The following ZNF791 variants were observed in gnomAD, a reference collection of about 807,000 sequenced individuals.
ZNF791 encodes zinc finger protein 791.
Under a neutral mutation model 11.5 loss-of-function variants are expected in ZNF791, and 4 were observed. That is an observed-to-expected ratio of 0.35 (90% confidence interval 0.17 to 0.80). The LOEUF (loss-of-function observed/expected upper bound fraction) is 0.80. Ranked by LOEUF, ZNF791 falls within the 30% of genes least tolerant of loss-of-function variation. The probability of loss-of-function intolerance (pLI) is 0.53; values close to 1 mark genes in which losing one functional copy is unlikely to be tolerated. For missense variants in ZNF791, 559 were observed against 699.4 expected (o/e 0.80, Z 2.26); for synonymous variants, 212 against 228.1 (o/e 0.93, Z 0.64).
intron 1 of ZNF791, among the ~76,000 whole-genome samples, chr19:12,622,299 C>G (rs181042243): frequency 9.1e-5 from 13 of 143,068 alleles, no homozygotes; most frequent in Admixed American, 2.1e-4. Context: ...CACTATTGTC[C>G]CATGACCCTG....
chr19:12,627,771 C>T lies in ZNF791; in HGVS notation c.242C>T (p.Ala81Val). ...GAAGGTAAAGAAGGTAGTCAATGTG[C>T]AGAAAACTTCAGTCCCAATCTCAGT... ...LCEGKEGSQCAENFSPNLSVT... is the reference protein window; with the variant it reads ...LCEGKEGSQCVENFSPNLSVT... Residue 81 changes from alanine to valine, a missense_variant, in exon 4 of 4, where the codon GCA becomes GTA. Physicochemically the swap from Ala to Val is moderately conservative, Grantham distance 64. Transcript: ENST00000343325. 2.5e-6 allele frequency: 4 copies of T among 1,614,098 alleles called. No homozygotes were observed. The highest frequency in any genetic ancestry group is 1.3e-5 in the African/African-American group (1 of 75,060).
chr19:12,622,633 GCCTGTAATCCCAGCA>G (rs1317506685), intron 1 of ZNF791, among the ~76,000 whole-genome samples: 1 of 151,540 alleles, frequency 6.6e-6, no homozygotes, highest in Non-Finnish European at 1.5e-5. Flanking sequence ...AGTGGCTCAC[GCCTGTAATCCCAGCA>G]CTTTGGGTGG....
At chr19:12,616,317 G>C (rs777314845) in intron 1 of ZNF791, among the ~76,000 whole-genome samples, 1 of 152,156 alleles carries the variant, frequency 6.6e-6, no homozygotes, top group Non-Finnish European at 1.5e-5. Flanking sequence ...TTGGAGGCAG[G>C]CATGGTGGTA....
chr19:12,617,873 T>C (rs1315003964), intron 1 of ZNF791, among the ~76,000 whole-genome samples: 1 of 144,522 alleles, frequency 6.9e-6, no homozygotes, highest in African/African-American at 2.6e-5. Flanking sequence ...TCTGAGTAGC[T>C]GGAACTACAG....
intron 1 of ZNF791, among the ~76,000 whole-genome samples, chr19:12,619,899 C>A (rs1460750717): frequency 1.3e-5 from 2 of 148,516 alleles, no homozygotes; most frequent in East Asian, 2.0e-4. Flanking sequence ...TATATGAAAT[C>A]TTTATTTATT....
Position 12,623,816 on chromosome 19 carries a change from G to A in ZNF791, c.120G>A (p.Leu40=). The part of the protein sequence containing the change: ...RDVMQETFKN[L]ASIGEKWEDP... ...TGATGCAGGAAACATTCAAGAACCTGGCATCTATAGGTAAGGATGACATCA... is the reference window on the plus strand; with the variant it reads ...TGATGCAGGAAACATTCAAGAACCTAGCATCTATAGGTAAGGATGACATCA... Residue 40 remains leucine (L), a synonymous_variant, in exon 2 of 4, where the codon CTG becomes CTA. Transcript: ENST00000343325. 1 of 1,524,104 alleles carries A rather than the reference G, an allele frequency of 6.6e-7. No homozygotes were observed. The highest frequency in any genetic ancestry group is 2.3e-5 in the East Asian group (1 of 43,990). The allele number at this position is 1,524,104 out of a possible 1,614,324, so 94.4% of individuals were successfully genotyped here.
At chr19:12,623,635 T>G in intron 1 of ZNF791, 65 bp from the exon 2 acceptor site, 2 of 1,599,994 alleles carry the variant, frequency 1.3e-6, no homozygotes, top group East Asian at 4.5e-5. Context: ...GAATTTCTTA[T>G]GAATTGAGGA....
intron 1 of ZNF791, among the ~76,000 whole-genome samples, chr19:12,620,918 G>T (rs979524159): frequency 4.6e-5 from 7 of 151,708 alleles, no homozygotes; most frequent in African/African-American, 1.7e-4. Context: ...GCACCACCAT[G>T]CCCAACTAAT....
At chr19:12,617,948 G>A (rs1331874318) in intron 1 of ZNF791, among the ~76,000 whole-genome samples, 22 of 125,356 alleles carry the variant, frequency 1.8e-4, no homozygotes, top group African/African-American at 3.8e-4. Flanking sequence ...ACAGAGTTTC[G>A]TCCTTGTCGC....
intron 1 of ZNF791, 142 bp downstream of exon 1, chr19:12,611,224 C>G: frequency 2.6e-6 from 3 of 1,154,100 alleles, no homozygotes; most frequent in Non-Finnish European, 3.7e-6. Flanking sequence ...GCGGCGACTG[C>G]GGTCCCAGCC....
At chr19:12,623,865 TTTTTTG>T (rs1478713817) in intron 2 of ZNF791, 39 bp downstream of exon 2, 1 of 1,003,212 alleles carries the variant, frequency 1.0e-6, no homozygotes, top group Non-Finnish European at 1.4e-6. Flanking sequence ...CTTTTTTTTT[TTTTTTG>T]GGGGGGGACA....
At chr19:12,611,317 A>G (rs1266336019) in intron 1 of ZNF791, among the ~76,000 whole-genome samples, 6 of 152,148 alleles carry the variant, frequency 3.9e-5, no homozygotes, top group Non-Finnish European at 7.4e-5. Flanking sequence ...GGTCCTGGGG[A>G]GAATCCCGCC....
At chr19:12,617,004 T>C (rs1435790488) in intron 1 of ZNF791, among the ~76,000 whole-genome samples, 1 of 116,486 alleles carries the variant, frequency 8.6e-6, no homozygotes, top group Non-Finnish European at 2.1e-5. Context: ...CATGTATAAA[T>C]TTTTTGTGGG....
intron 1 of ZNF791, among the ~76,000 whole-genome samples, chr19:12,613,352 A>C (rs536712164): frequency 2.0e-5 from 3 of 151,880 alleles, no homozygotes; most frequent in Admixed American, 6.5e-5. Flanking sequence ...GAGGCCAAGG[A>C]GGGCGGATCA....
In ZNF791 at chr19:12,629,142, C is replaced by G. The variant is rs1281638733; in HGVS notation, c.1613C>G (p.Ser538Cys). 1 of 1,601,328 alleles carries G rather than the reference C, an allele frequency of 6.2e-7. No homozygotes were observed. The highest frequency in any genetic ancestry group is 8.5e-7 in the Non-Finnish European group (1 of 1,175,222). ...GGGAAGGCCTTTAGTCTTCACAGTT[C>G]CTTTCAAAGACATACAAGAATTCAC... ...ECGKAFSLHS[S>C]FQRHTRIHNY... is the part of the protein sequence containing the mutation. The change falls in exon 4 of 4, where the codon TCC (serine) becomes TGC (cysteine). Residue 538 changes from serine (S) to cysteine (C), a missense_variant. Transcript: ENST00000343325.
intron 1 of ZNF791, chr19:12,612,262 C>A: frequency 2.5e-6 from 1 of 398,148 alleles, no homozygotes; most frequent in Non-Finnish European, 3.4e-6. Flanking sequence ...TGATCTTGAA[C>A]TCCTGGGCTC....
In ZNF791 at chr19:12,611,155, G is replaced by A. The variant is rs890806136; in HGVS notation, c.3+73G>A. ...CCCGGGCCTCCCCACGGTCACCTCC[G>A]GCCGCAGTGTGGGGCTGGGCTGGCA... is the stretch of plus-strand genomic sequence containing the variant. On this transcript the variant is annotated intron_variant, in intron 1 of 3. Coordinates refer to ENST00000343325, the MANE Select transcript of ZNF791 (RefSeq NM_153358.3). 49 of 1,594,446 alleles carry A rather than the reference G, an allele frequency of 3.1e-5. No homozygotes were observed. The Admixed American group carries it at 4.3e-4, about 14-fold the overall frequency.
In ZNF791 at chr19:12,632,019, G is replaced by A. The variant is rs891803839; in HGVS notation, c.*2759G>A. The A allele has an allele frequency of 1.3e-5, 2 of 151,476 alleles. No homozygotes were observed. Among genetic ancestry groups the A allele is most frequent in the Admixed American group, 6.6e-5 (1 of 15,202 alleles). The allele number at this position is 151,476 out of a possible 1,614,324, so 9.4% of individuals were successfully genotyped here. On this transcript the variant is annotated 3_prime_UTR_variant, in exon 4 of 4. Coordinates refer to ENST00000343325, the MANE Select transcript of ZNF791 (RefSeq NM_153358.3). ...TCTGTTGCCCAGGCTGGAGTTCAGC[G>A]GTGTGATCTCGGCTCACTGCAAGCT...
Position 12,611,096 on chromosome 19 carries a change from G to T in ZNF791, c.3+14G>T. ...GGCCGGAAAATGGTGAGTGTGCAGGGCCGGACTAGTTGGAACCGGCCGTGA... is the reference window on the plus strand; with the variant it reads ...GGCCGGAAAATGGTGAGTGTGCAGGTCCGGACTAGTTGGAACCGGCCGTGA... On this transcript the variant is annotated intron_variant, in intron 1 of 3. Transcript: ENST00000343325. 1 of 1,614,068 alleles carries T rather than the reference G, an allele frequency of 6.2e-7. No homozygotes were observed. The highest frequency in any genetic ancestry group is 8.5e-7 in the Non-Finnish European group (1 of 1,180,002).
Sources: allele counts gnomAD v4.1 joint callset (sites outside exome capture counted in the v4.1 genomes callset), GRCh38; gene constraint gnomAD v4.1.1; transcripts MANE v1.5; gene names NCBI Gene and HGNC (gene_info 2026-07-23, HGNC 2026-07-21).